SHANK2: variants seen among roughly 807,000 people sequenced by gnomAD.
The protein encoded by SHANK2 is SH3 and multiple ankyrin repeat domains 2.
In SHANK2, 43 loss-of-function variants were observed where a neutral mutation model predicts 133.7. That is an observed-to-expected ratio of 0.32 (90% CI 0.25 to 0.41). The LOEUF is 0.41. SHANK2 is among the 10% of genes least tolerant of loss of function. The pLI is 1.00. For missense variants in SHANK2, 1,994 were observed against 2,235.8 expected, an observed-to-expected ratio of 0.89 and a Z score of 2.18; for synonymous variants, 1,017 against 952.8, an observed-to-expected ratio of 1.07 and a Z score of -1.24.
intron 15 of SHANK2, among the ~76,000 whole-genome samples, chr11:70,688,763 G>A (rs2134429070): frequency 6.6e-6 from 1 of 152,192 alleles, no homozygotes; most frequent in African/African-American, 2.4e-5. Context: ...GTGCCTCACT[G>A]CCCCCTTTCC....
At chr11:70,939,937 G>A (rs540695322) in intron 10 of SHANK2, among the ~76,000 whole-genome samples, 2 of 152,108 alleles carry the variant, frequency 1.3e-5, no homozygotes, top group Non-Finnish European at 2.9e-5. Context: ...GTGATTTGAC[G>A]CAGAAGAGAA....
At chr11:70,558,990 T>G (rs1267400886) in intron 17 of SHANK2, among the ~76,000 whole-genome samples, 1 of 152,220 alleles carries the variant, frequency 6.6e-6, no homozygotes, top group Non-Finnish European at 1.5e-5. Flanking sequence ...TTTCGGAGAC[T>G]CTTAATAACA....
At chr11:70,538,050 C>T (rs372683704) in intron 17 of SHANK2, among the ~76,000 whole-genome samples, 4 of 152,200 alleles carry the variant, frequency 2.6e-5, no homozygotes, top group African/African-American at 7.2e-5. Flanking sequence ...CTTGAACACT[C>T]GTGACCATCC....
intron 17 of SHANK2, among the ~76,000 whole-genome samples, chr11:70,551,223 G>A (rs1310302401): frequency 6.6e-6 from 1 of 152,184 alleles, no homozygotes; most frequent in African/African-American, 2.4e-5. Flanking sequence ...CCTATGATGT[G>A]GCTCTTTCAG....
intron 9 of SHANK2, among the ~76,000 whole-genome samples, chr11:71,070,516 C>T (rs1251651935): frequency 6.6e-6 from 1 of 152,148 alleles, no homozygotes. Flanking sequence ...AATGGGAGAG[C>T]TCTCCATACT....
intron 17 of SHANK2, among the ~76,000 whole-genome samples, chr11:70,565,043 A>G (rs1481635992): frequency 6.6e-6 from 1 of 152,148 alleles, no homozygotes; most frequent in Non-Finnish European, 1.5e-5. Flanking sequence ...GTCAATTTTG[A>G]TAATGGATTT....
intron 17 of SHANK2, among the ~76,000 whole-genome samples, chr11:70,537,776 G>A (rs782422168): frequency 7.2e-5 from 11 of 152,352 alleles, no homozygotes; most frequent in Admixed American, 1.3e-4. Flanking sequence ...TCAGCTCTGC[G>A]GAGGGGACCC....
rs534285657 is a variant in SHANK2 at position 70,612,731 on chromosome 11, C to T, written c.2061+47097G>A. 8.2e-4 allele frequency among the ~76,000 whole-genome samples: 125 copies of T among 152,362 alleles called. 1 individual carries two copies. The highest frequency in any genetic ancestry group is 3.0e-3 in the African/African-American group (123 of 41,594). On this transcript the variant is annotated intron_variant, in intron 17 of 25. Transcript: ENST00000601538. ...TATCTAGCACTCACTGTCACCTGCT[C>T]ACTTCCTTAAACAATACATGGATTC...
chr11:70,508,617 G>T (rs1488648476), intron 17 of SHANK2, among the ~76,000 whole-genome samples: 1 of 152,232 alleles, frequency 6.6e-6, no homozygotes, highest in Non-Finnish European at 1.5e-5. Flanking sequence ...TTTGGGCCAG[G>T]TGTGGCAGCT....
chr11:70,926,838 T>C (rs535168037), intron 10 of SHANK2, among the ~76,000 whole-genome samples: 3 of 152,256 alleles, frequency 2.0e-5, no homozygotes, highest in South Asian at 4.1e-4. Context: ...TTTTAGTGAG[T>C]AGGCAAAATC....
At chr11:70,595,958 AGAG>A (rs1157245881) in intron 17 of SHANK2, among the ~76,000 whole-genome samples, 10 of 152,222 alleles carry the variant, frequency 6.6e-5, no homozygotes, top group African/African-American at 1.7e-4. Flanking sequence ...TCGCAAACAC[AGAG>A]GAGAACATCG....
At chr11:71,120,041 G>A (rs781830152) in intron 3 of SHANK2, among the ~76,000 whole-genome samples, 3 of 152,118 alleles carry the variant, frequency 2.0e-5, no homozygotes, top group Non-Finnish European at 1.5e-5. Flanking sequence ...ACGGAAAAAC[G>A]ATTTGATGGA....
chr11:70,549,930 GCT>G (rs1279823300), intron 17 of SHANK2, among the ~76,000 whole-genome samples: 1 of 152,232 alleles, frequency 6.6e-6, no homozygotes, highest in Non-Finnish European at 1.5e-5. Flanking sequence ...GACTTGGTGG[GCT>G]CTCTCCTGCT....
At chr11:70,642,198 C>T (rs535944821) in intron 17 of SHANK2, among the ~76,000 whole-genome samples, 3 of 152,314 alleles carry the variant, frequency 2.0e-5, no homozygotes, top group Admixed American at 6.5e-5. Context: ...ATACTTGCTG[C>T]GCTGCGCCCT....
chr11:70,807,830 CA>C lies in SHANK2; in HGVS notation c.1494-660del, dbSNP rs569538762. Among the ~76,000 whole-genome samples the C allele has an allele frequency of 2.0e-4, 28 of 139,498 alleles. No individual in the cohort carries two copies. The highest frequency in any genetic ancestry group is 3.6e-4 in the Admixed American group (5 of 13,954). The allele number at this position is 139,498 out of a possible 152,430, so 91.5% of individuals were successfully genotyped here. A position where few individuals can be genotyped will look rare whatever the true frequency, so the allele number is the denominator to read the frequency against. Reference sequence around the variant, plus strand: ...GGGTGACAGAGTGAGACTCTGTCTCCAAAAAAAAAAAGTAAACTGTGACACA... The same window carrying C: ...GGGTGACAGAGTGAGACTCTGTCTCCAAAAAAAAAAGTAAACTGTGACACA... On this transcript the variant is annotated intron_variant, in intron 12 of 25. Transcript: ENST00000601538. This position sits in a 1 kb window ranked among gnomAD's most constrained non-coding sequence, Gnocchi z 4.8.
intron 22 of SHANK2, among the ~76,000 whole-genome samples, chr11:70,490,990 C>A (rs932778933): frequency 1.3e-5 from 2 of 152,226 alleles, no homozygotes; most frequent in Non-Finnish European, 1.5e-5. Flanking sequence ...CAGCAGTGAG[C>A]TGTCCCCAGC....
chr11:70,667,710 C>T (rs1555015113), intron 15 of SHANK2: 1 of 152,262 alleles, frequency 6.6e-6, no homozygotes, highest in East Asian at 1.9e-4. Flanking sequence ...AGGTGATGTC[C>T]ATTTGGAGGC....
intron 17 of SHANK2, among the ~76,000 whole-genome samples, chr11:70,586,535 G>A (rs1198383114): frequency 6.6e-6 from 1 of 152,174 alleles, no homozygotes; most frequent in Admixed American, 6.5e-5. Context: ...TCTTCACAGA[G>A]ACCTCGGAAG....
chr11:70,620,204 T>TC (rs2060810011), intron 17 of SHANK2, among the ~76,000 whole-genome samples: 1 of 151,988 alleles, frequency 6.6e-6, no homozygotes. Flanking sequence ...ACACAGACAT[T>TC]CGGTCCACGG....
Sources: gnomAD v4.1 joint callset for allele counts (sites outside exome capture counted in the v4.1 genomes callset) on GRCh38, gnomAD v4.1.1 for gene constraint, Gnocchi (gnomAD v3.1) non-coding constraint, MANE v1.5 for transcripts, NCBI Gene and HGNC (gene_info 2026-07-23, HGNC 2026-07-21) for gene names.